ASXL3: variants seen among roughly 807,000 people sequenced by gnomAD.
ASXL3 encodes putative Polycomb group protein ASXL3.
ASXL3 carries 34 observed loss-of-function variants against 170.6 expected under a neutral mutation model. The observed-to-expected ratio is 0.20, with a 90% CI of 0.15 to 0.27. The LOEUF (loss-of-function observed/expected upper bound fraction) is 0.27, where lower values mean the gene tolerates loss of function less well. ASXL3 is among the 10% of genes least tolerant of loss of function. The pLI is 1.00. For missense variants in ASXL3, 2,592 were observed against 2,695.3 expected, an observed-to-expected ratio of 0.96 and a Z score of 0.85; for synonymous variants, 1,002 against 989.1, an observed-to-expected ratio of 1.01 and a Z score of -0.24.
At chr18:33,629,911 C>T (rs923813099) in intron 2 of ASXL3, among the ~76,000 whole-genome samples, 7 of 151,778 alleles carry the variant, frequency 4.6e-5, no homozygotes, top group African/African-American at 1.7e-4. Flanking sequence ...GTTATTTATT[C>T]TCTTTAAACA....
chr18:33,700,040 A>G (rs2066844508), intron 8 of ASXL3, among the ~76,000 whole-genome samples: 1 of 152,108 alleles, frequency 6.6e-6, no homozygotes, highest in Non-Finnish European at 1.5e-5. Flanking sequence ...TAGAGAAGAA[A>G]GAAGTTGAGA....
At chr18:33,624,425 T>G (rs551521477) in intron 2 of ASXL3, among the ~76,000 whole-genome samples, 17 of 152,056 alleles carry the variant, frequency 1.1e-4, no homozygotes, top group Non-Finnish European at 2.5e-4. Flanking sequence ...AACATATTAG[T>G]GCTCAGGTTT....
At chr18:33,614,811 T>G (rs1212249549) in intron 2 of ASXL3, 1 of 151,898 alleles carries the variant, frequency 6.6e-6, no homozygotes, top group African/African-American at 2.4e-5. Flanking sequence ...AGTAGTATTT[T>G]GAAAGGAATC....
At chr18:33,644,862 C>A in intron 2 of ASXL3, 32 bp from the exon 3 acceptor site, 1 of 1,417,480 alleles carries the variant, frequency 7.1e-7, no homozygotes, top group Non-Finnish European at 9.7e-7. Context: ...GTACCTCAGA[C>A]TGCTTCATTT....
chr18:33,578,827 G>A (rs1241656413), intron 1 of ASXL3, 142 bp downstream of exon 1: 2 of 448,614 alleles, frequency 4.5e-6, no homozygotes, highest in Non-Finnish European at 6.3e-6. Flanking sequence ...TTATTCTGCG[G>A]GAGTGGGCTC....
intron 8 of ASXL3, among the ~76,000 whole-genome samples, chr18:33,691,502 G>A (rs1367886082): frequency 2.6e-5 from 4 of 151,960 alleles, no homozygotes; most frequent in African/African-American, 9.7e-5. Context: ...ACTGGTTTGG[G>A]GTAGGAATGG....
At position 33,739,458 on chromosome 18, in the gene ASXL3, C is replaced by T. The variant is rs1392544912; in HGVS notation, c.2054C>T (p.Thr685Ile). The T allele has an allele frequency of 1.2e-6, 2 of 1,613,990 alleles. No homozygotes were observed. The highest frequency in any genetic ancestry group is 4.5e-5 in the East Asian group (2 of 44,882). ...ATGTCAGAAATATCTCCAATATCCA[C>T]TTCACCTGAAATATCAGAAGCATCT... ...SLMSEISPIS[T>I]SPEISEASLM... Residue 685 changes from threonine to isoleucine, a missense_variant, in exon 11 of 12, where the codon ACT becomes ATT. Thr to Ile is a moderately conservative substitution (Grantham distance 89). Around this residue, in one of 4 missense-constraint regions of ASXL3, gnomAD observed 2,246 missense variants for 2,219.6 expected, o/e 1.01. Transcript: ENST00000269197.
At chr18:33,720,111 T>A (rs563570941) in intron 8 of ASXL3, among the ~76,000 whole-genome samples, 1 of 152,162 alleles carries the variant, frequency 6.6e-6, no homozygotes, top group East Asian at 1.9e-4. Flanking sequence ...TAAAGATATG[T>A]TAGATACCCA....
intron 2 of ASXL3, among the ~76,000 whole-genome samples, chr18:33,615,393 A>G (rs1320405112): frequency 6.6e-6 from 1 of 152,156 alleles, no homozygotes; most frequent in African/African-American, 2.4e-5. Context: ...GGCACTGTTC[A>G]TGACACCCCA....
At chr18:33,711,766 C>T (rs1184639799) in intron 8 of ASXL3, among the ~76,000 whole-genome samples, 1 of 152,116 alleles carries the variant, frequency 6.6e-6, no homozygotes, top group Non-Finnish European at 1.5e-5. Flanking sequence ...AGAGCCAGGG[C>T]TGTATTGTCA....
At chr18:33,691,718 C>A (rs771099861) in intron 8 of ASXL3, among the ~76,000 whole-genome samples, 1 of 151,910 alleles carries the variant, frequency 6.6e-6, no homozygotes, top group Non-Finnish European at 1.5e-5. Flanking sequence ...GCTATGGGAA[C>A]ATAGAGGAGA....
intron 3 of ASXL3, 59 bp downstream of exon 3, chr18:33,645,061 T>TG (rs1425178030): frequency 8.2e-7 from 1 of 1,219,084 alleles, no homozygotes; most frequent in African/African-American, 1.5e-5. Flanking sequence ...TTCAGACATG[T>TG]GAAGGTAAAC....
At chr18:33,588,647 A>G (rs1296322408) in intron 1 of ASXL3, among the ~76,000 whole-genome samples, 1 of 152,122 alleles carries the variant, frequency 6.6e-6, no homozygotes, top group Non-Finnish European at 1.5e-5. Context: ...ATTAAAATAC[A>G]CATTCAGGAG....
chr18:33,586,744 A>C (rs961360394), intron 1 of ASXL3, among the ~76,000 whole-genome samples: 1 of 152,048 alleles, frequency 6.6e-6, no homozygotes, highest in Non-Finnish European at 1.5e-5. Context: ...TTTCCCCTGA[A>C]TTTTAGAATT....
chr18:33,630,473 G>T (rs1568290007), intron 2 of ASXL3, among the ~76,000 whole-genome samples: 1 of 151,798 alleles, frequency 6.6e-6, no homozygotes, highest in African/African-American at 2.4e-5. Flanking sequence ...AGTGGACAAA[G>T]TACCTTGAGA....
At chr18:33,636,745 G>A (rs925141151) in intron 2 of ASXL3, among the ~76,000 whole-genome samples, 1 of 152,030 alleles carries the variant, frequency 6.6e-6, no homozygotes, top group African/African-American at 2.4e-5. Context: ...TATAATGCAG[G>A]TTGAGTTTCC....
intron 7 of ASXL3, among the ~76,000 whole-genome samples, chr18:33,673,066 A>T (rs1224893672): frequency 1.3e-5 from 2 of 152,170 alleles, no homozygotes; most frequent in Non-Finnish European, 1.5e-5. Flanking sequence ...CTTTCCTAAT[A>T]CTCTGGGTGT....
intron 2 of ASXL3, among the ~76,000 whole-genome samples, chr18:33,640,508 C>T (rs964190989): frequency 4.0e-5 from 6 of 151,846 alleles, no homozygotes; most frequent in African/African-American, 7.3e-5. Context: ...AGTAGAGACA[C>T]GCCCATTAAA....
intron 8 of ASXL3, among the ~76,000 whole-genome samples, chr18:33,684,109 A>T (rs1261664589): frequency 1.3e-5 from 2 of 152,204 alleles, no homozygotes; most frequent in Non-Finnish European, 2.9e-5. Context: ...AAAAGCTTCT[A>T]AAATGAGGAA....
Sources: gnomAD v4.1 joint callset for allele counts (sites outside exome capture counted in the v4.1 genomes callset) on GRCh38, gnomAD v4.1.1 for gene constraint, gnomAD v4.1.1 regional missense constraint, MANE v1.5 for transcripts, NCBI Gene and HGNC (gene_info 2026-07-23, HGNC 2026-07-21) for gene names.